The following FAM117B variants were observed in gnomAD, a reference collection of about 807,000 sequenced individuals.
The protein encoded by FAM117B is protein FAM117B.
In FAM117B, 22 loss-of-function variants were observed where a neutral mutation model predicts 52.8. The observed-to-expected ratio is 0.42, with a 90% CI of 0.30 to 0.59. The LOEUF is 0.59. FAM117B is among the 20% of genes least tolerant of loss of function. FAM117B has a pLI of 0.22. For synonymous variants in FAM117B, 309 were observed against 324.1 expected (o/e 0.95, Z 0.50); for missense variants, 678 against 802.6 (o/e 0.84, Z 1.88).
chr2:202,736,938 T>C (rs1691447465), intron 4 of FAM117B, among the ~76,000 whole-genome samples: 1 of 152,188 alleles, frequency 6.6e-6, no homozygotes, highest in Non-Finnish European at 1.5e-5. Context: ...GCTATATCTC[T>C]TTCCCCTACT....
chr2:202,698,605 T>A (rs1300585269), intron 2 of FAM117B, among the ~76,000 whole-genome samples: 1 of 152,100 alleles, frequency 6.6e-6, no homozygotes, highest in Non-Finnish European at 1.5e-5. Flanking sequence ...GTATTTTTAG[T>A]AGAGATGGAG....
chr2:202,677,355 C>T (rs751009572), intron 1 of FAM117B, among the ~76,000 whole-genome samples: 2 of 152,106 alleles, frequency 1.3e-5, no homozygotes, highest in Non-Finnish European at 2.9e-5. Context: ...CGTGAGCCAC[C>T]GTGCCCAGCC....
chr2:202,673,870 T>A (rs1345788042), intron 1 of FAM117B, among the ~76,000 whole-genome samples: 1 of 152,234 alleles, frequency 6.6e-6, no homozygotes, highest in Non-Finnish European at 1.5e-5. Flanking sequence ...TTTTGCCTGA[T>A]GACTTTATTG....
chr2:202,728,107 G>A (rs991902442), intron 4 of FAM117B, among the ~76,000 whole-genome samples: 4 of 152,108 alleles, frequency 2.6e-5, no homozygotes, highest in Non-Finnish European at 5.9e-5. Context: ...AGCCTGCTGA[G>A]TAGATGAGAC....
At chr2:202,763,678 A>ACT (rs1691933644) in intron 7 of FAM117B, among the ~76,000 whole-genome samples, 1 of 152,198 alleles carries the variant, frequency 6.6e-6, no homozygotes, top group East Asian at 1.9e-4. Context: ...CACTAAAAGT[A>ACT]CTCAACTATT....
chr2:202,635,346 C>A lies in FAM117B; in HGVS notation c.159C>A (p.Ser53Arg). ...AGCAGCAGCAGCAGCAACATGGCAG[C>A]CCCACGCGGAGCGGCGGCGGCGGCG... The part of the protein sequence containing the change: ...LKQQQQQQHG[S>R]PTRSGGGGGG... The change falls in exon 1 of 8, where the codon AGC becomes AGA. Residue 53 changes from serine to arginine, a missense_variant. Ser to Arg is a moderately radical substitution (Grantham distance 110, BLOSUM62 -1). Transcript: ENST00000392238. The A allele has an allele frequency of 1.5e-6, 2 of 1,371,702 alleles. No individual in the cohort carries two copies. The highest frequency in any genetic ancestry group is 1.9e-6 in the Non-Finnish European group (2 of 1,061,360). 85.0% of individuals were successfully genotyped at this position (1,371,702 alleles called of 1,614,324 possible).
chr2:202,729,289 G>A (rs939367717), intron 4 of FAM117B, among the ~76,000 whole-genome samples: 2 of 151,982 alleles, frequency 1.3e-5, no homozygotes, highest in Non-Finnish European at 2.9e-5. Context: ...AGCAGAGATC[G>A]TGCCACTGCA....
At chr2:202,640,709 G>A (rs1384249854) in intron 1 of FAM117B, among the ~76,000 whole-genome samples, 2 of 151,578 alleles carry the variant, frequency 1.3e-5, no homozygotes, top group Non-Finnish European at 2.9e-5. Flanking sequence ...TCCGGGGTTC[G>A]GGTAATTCTC....
chr2:202,648,078 T>C (rs1189239392), intron 1 of FAM117B, among the ~76,000 whole-genome samples: 4 of 152,192 alleles, frequency 2.6e-5, no homozygotes, highest in Non-Finnish European at 5.9e-5. Context: ...GGCAATAATG[T>C]GCACATGATA....
intron 4 of FAM117B, among the ~76,000 whole-genome samples, chr2:202,744,867 C>T (rs1187536007): frequency 6.7e-6 from 1 of 149,638 alleles, no homozygotes; most frequent in African/African-American, 2.5e-5. Flanking sequence ...ATCCCAGCTA[C>T]TCGGGAGTCT....
At chr2:202,759,620 C>T (rs1211873184) in intron 7 of FAM117B, among the ~76,000 whole-genome samples, 1 of 150,336 alleles carries the variant, frequency 6.7e-6, no homozygotes, top group African/African-American at 2.5e-5. Context: ...TGCAGTGGCA[C>T]AATCTCAGCT....
At chr2:202,635,947 GC>G (rs1414894955) in intron 1 of FAM117B, among the ~76,000 whole-genome samples, 159 bp downstream of exon 1, 4 of 151,838 alleles carry the variant, frequency 2.6e-5, no homozygotes, top group Non-Finnish European at 2.9e-5. Flanking sequence ...CGGCAGTGCG[GC>G]CCCGCCTTTC....
chr2:202,694,039 G>A (rs2105775802), intron 1 of FAM117B, among the ~76,000 whole-genome samples: 1 of 152,086 alleles, frequency 6.6e-6, no homozygotes, highest in Middle Eastern at 3.4e-3. Context: ...TGGGGTAAGG[G>A]TAGTTAGAAT....
chr2:202,743,494 G>C (rs1379105576), intron 4 of FAM117B, among the ~76,000 whole-genome samples: 1 of 152,116 alleles, frequency 6.6e-6, no homozygotes, highest in Admixed American at 6.5e-5. Flanking sequence ...GAAAAGCAAG[G>C]AACCATGGCA....
intron 1 of FAM117B, among the ~76,000 whole-genome samples, chr2:202,688,759 T>A (rs994277260): frequency 1.3e-5 from 2 of 152,206 alleles, no homozygotes; most frequent in African/African-American, 4.8e-5. Flanking sequence ...TGTGATGTTA[T>A]AGGTTTTTGC....
intron 1 of FAM117B, among the ~76,000 whole-genome samples, chr2:202,680,248 A>AG (rs994074930): frequency 3.9e-5 from 6 of 152,238 alleles, no homozygotes; most frequent in African/African-American, 1.4e-4. Flanking sequence ...AAGAAGAAGA[A>AG]GGAAGAGCCA....
At chr2:202,734,798 A>C (rs1336886523) in intron 4 of FAM117B, among the ~76,000 whole-genome samples, 2 of 152,258 alleles carry the variant, frequency 1.3e-5, no homozygotes, top group African/African-American at 4.8e-5. Flanking sequence ...AGATGTAAAC[A>C]GACTTGGTTT....
At chr2:202,676,080 C>T (rs567119330) in intron 1 of FAM117B, among the ~76,000 whole-genome samples, 2 of 151,450 alleles carry the variant, frequency 1.3e-5, no homozygotes, top group South Asian at 2.1e-4. Flanking sequence ...TATTACTCTT[C>T]CCTTCTTACT....
intron 1 of FAM117B, among the ~76,000 whole-genome samples, chr2:202,655,736 G>GAA (rs1690044509): frequency 6.7e-6 from 1 of 149,074 alleles, no homozygotes; most frequent in Non-Finnish European, 1.5e-5. Flanking sequence ...GAGAGAGAGA[G>GAA]AGAGAGAGAG....
Sources: gnomAD v4.1 joint callset for allele counts (sites outside exome capture counted in the v4.1 genomes callset) on GRCh38, gnomAD v4.1.1 for gene constraint, MANE v1.5 for transcripts, NCBI Gene and HGNC (gene_info 2026-07-23, HGNC 2026-07-21) for gene names.